The following PRDM5 variants were observed in gnomAD, a reference collection of about 807,000 sequenced individuals.
PRDM5 encodes the protein PR domain zinc finger protein 5.
A neutral mutation model predicts 81.2 loss-of-function variants in PRDM5; 56 were observed. The ratio of observed to expected loss-of-function variants is 0.69; its 90% confidence interval spans 0.56 to 0.86. The LOEUF (loss-of-function observed/expected upper bound fraction) is 0.86, where lower values mean the gene tolerates loss of function less well. PRDM5 is among the 40% of genes least tolerant of loss of function. The probability of loss-of-function intolerance (pLI) is 0.00; values close to 1 mark genes in which losing one functional copy is unlikely to be tolerated. For missense variants in PRDM5, 697 were observed against 770.1 expected, an observed-to-expected ratio of 0.91 and a Z score of 1.12; for synonymous variants, 267 against 256.4, an observed-to-expected ratio of 1.04 and a Z score of -0.39.
chr4:120,697,932 C>T (rs546797330), intron 15 of PRDM5, among the ~76,000 whole-genome samples: 2 of 146,952 alleles, frequency 1.4e-5, no homozygotes, highest in African/African-American at 5.0e-5. Context: ...TTATAACTAT[C>T]TGTATTAATA....
At position 120,914,210 on chromosome 4, in the gene PRDM5, A is replaced by C. The variant is rs151046803; in HGVS notation, c.94-6653T>G. ...GCACTCAAAAAAAAAAAAACTTTTA[A>C]GAGTTAAAAACCATTAACTTCCCAA... On this transcript the variant is annotated intron_variant, in intron 1 of 15. Transcript: ENST00000264808. 3.3e-4 allele frequency among the ~76,000 whole-genome samples: 51 copies of C among 152,322 alleles called. 1 individual carries two copies. Among genetic ancestry groups the C allele is most frequent in the African/African-American group, 1.2e-3 (48 of 41,592 alleles).
At chr4:120,756,248 G>T (rs527936616) in intron 13 of PRDM5, among the ~76,000 whole-genome samples, 1 of 152,236 alleles carries the variant, frequency 6.6e-6, no homozygotes, top group African/African-American at 2.4e-5. Context: ...TGTCTAACAG[G>T]TACCCTCCTT....
At chr4:120,811,706 G>A (rs1753860576) in intron 7 of PRDM5, among the ~76,000 whole-genome samples, 1 of 151,990 alleles carries the variant, frequency 6.6e-6, no homozygotes, top group South Asian at 2.1e-4. Flanking sequence ...AAGCTCCCAA[G>A]AGAATGCAGA....
intron 3 of PRDM5, among the ~76,000 whole-genome samples, chr4:120,852,797 T>G (rs1759427641): frequency 9.5e-6 from 1 of 104,954 alleles, no homozygotes; most frequent in South Asian, 3.3e-4. Context: ...TAAGGATATA[T>G]CCTTTCTTTT....
chr4:120,715,348 C>T (rs1737599969), intron 14 of PRDM5, among the ~76,000 whole-genome samples: 1 of 151,966 alleles, frequency 6.6e-6, no homozygotes, highest in Admixed American at 6.6e-5. Context: ...ACCATGTTGC[C>T]AGAAATGAAA....
At chr4:120,806,637 G>A (rs1177624388) in intron 8 of PRDM5, among the ~76,000 whole-genome samples, 1 of 152,150 alleles carries the variant, frequency 6.6e-6, no homozygotes, top group Non-Finnish European at 1.5e-5. Context: ...GGGAAAACTG[G>A]CTAGCCATAG....
chr4:120,788,396 C>T (rs891606664), intron 10 of PRDM5, among the ~76,000 whole-genome samples: 1 of 152,128 alleles, frequency 6.6e-6, no homozygotes, highest in Non-Finnish European at 1.5e-5. Context: ...TTCTACAAAA[C>T]ATTGAGGAGG....
chr4:120,818,593 C>T (rs1386556435), intron 4 of PRDM5, 66 bp from the exon 5 acceptor site: 35 of 1,397,952 alleles, frequency 2.5e-5, no homozygotes, highest in Admixed American at 5.1e-5. Flanking sequence ...CTCAGTTTTG[C>T]TCTCATTTTA....
intron 3 of PRDM5, chr4:120,838,867 A>G (rs766627829): frequency 4.2e-6 from 1 of 237,644 alleles, no homozygotes; most frequent in Non-Finnish European, 8.3e-6. Context: ...CACACCTGCC[A>G]AGGGAGACTG....
At chr4:120,916,851 C>T (rs1472283989) in intron 1 of PRDM5, among the ~76,000 whole-genome samples, 1 of 152,186 alleles carries the variant, frequency 6.6e-6, no homozygotes, top group Non-Finnish European at 1.5e-5. Flanking sequence ...TGTTCTGTTA[C>T]CCCACACTAC....
chr4:120,757,901 C>T (rs1401424090), intron 13 of PRDM5, among the ~76,000 whole-genome samples: 1 of 151,618 alleles, frequency 6.6e-6, no homozygotes, highest in Non-Finnish European at 1.5e-5. Context: ...TCTTCTTCTT[C>T]TGTCTCTCTC....
At chr4:120,758,437 G>C (rs982716987) in intron 13 of PRDM5, among the ~76,000 whole-genome samples, 1 of 152,122 alleles carries the variant, frequency 6.6e-6, no homozygotes, top group South Asian at 2.1e-4. Context: ...TGTTGCAAAC[G>C]TTACTGGAGT....
chr4:120,831,203 T>C (rs1229411988), intron 3 of PRDM5, among the ~76,000 whole-genome samples: 1 of 152,056 alleles, frequency 6.6e-6, no homozygotes, highest in African/African-American at 2.4e-5. Flanking sequence ...AGGGCGGACA[T>C]GTTCTTATTG....
intron 13 of PRDM5, among the ~76,000 whole-genome samples, chr4:120,770,114 C>A (rs1747043513): frequency 6.6e-6 from 1 of 152,060 alleles, no homozygotes; most frequent in African/African-American, 2.4e-5. Flanking sequence ...TTCACTGCAA[C>A]CTCCGCCTTC....
At chr4:120,914,241 T>C (rs1467208158) in intron 1 of PRDM5, among the ~76,000 whole-genome samples, 1 of 150,538 alleles carries the variant, frequency 6.6e-6, no homozygotes, top group East Asian at 1.9e-4. Flanking sequence ...CCCAATTAAA[T>C]ATCTTTACAG....
downstream of PRDM5, among the ~76,000 whole-genome samples, chr4:120,690,989 G>T (rs879402847): frequency 2.0e-5 from 3 of 151,974 alleles, no homozygotes; most frequent in Non-Finnish European, 4.4e-5. Context: ...CTAAAAGTTT[G>T]CATTATTAGG....
chr4:120,704,561 T>C (rs901855755), intron 15 of PRDM5, among the ~76,000 whole-genome samples: 9 of 152,210 alleles, frequency 5.9e-5, no homozygotes, highest in Non-Finnish European at 1.2e-4. Context: ...TAGATAAGTA[T>C]CTTCAGTTAA....
At chr4:120,809,062 C>T (rs577981109) in intron 8 of PRDM5, among the ~76,000 whole-genome samples, 1 of 152,230 alleles carries the variant, frequency 6.6e-6, no homozygotes, top group Non-Finnish European at 1.5e-5. Flanking sequence ...CCAGAGCGGG[C>T]GCCAAGGGCC....
intron 2 of PRDM5, among the ~76,000 whole-genome samples, chr4:120,861,602 A>T (rs986805607): frequency 1.3e-5 from 2 of 152,048 alleles, no homozygotes; most frequent in Non-Finnish European, 2.9e-5. Flanking sequence ...ATTTGAGACC[A>T]GCCTGGCCAA....
Sources: gnomAD v4.1 joint callset for allele counts (sites outside exome capture counted in the v4.1 genomes callset) on GRCh38, gnomAD v4.1.1 for gene constraint, MANE v1.5 for transcripts, NCBI Gene and HGNC (gene_info 2026-07-23, HGNC 2026-07-21) for gene names.